The following SLC8A3 variants were observed in gnomAD, a reference collection of about 807,000 sequenced individuals.
SLC8A3 encodes the protein solute carrier family 8 member A3, also known as sodium/calcium exchanger 3.
A neutral mutation model predicts 65.4 loss-of-function variants in SLC8A3; 37 were observed. The observed-to-expected ratio is 0.57, with a 90% confidence interval of 0.44 to 0.74. SLC8A3 has a LOEUF of 0.74. Among genes scored for constraint, SLC8A3 ranks in the 30% least tolerant of loss-of-function variants. SLC8A3 has a pLI of 0.00. For synonymous variants in SLC8A3, 461 were observed against 444.5 expected (o/e 1.04, Z -0.47); for missense variants, 1,112 against 1,172.1 (o/e 0.95, Z 0.75).
chr14:70,130,748 G>A (rs1894772645), intron 2 of SLC8A3, among the ~76,000 whole-genome samples: 1 of 152,236 alleles, frequency 6.6e-6, no homozygotes, highest in Admixed American at 6.5e-5. Flanking sequence ...TTGTAATGCT[G>A]CACAGCAGGC....
intron 4 of SLC8A3, among the ~76,000 whole-genome samples, chr14:70,051,541 C>T (rs528042262): frequency 6.6e-6 from 1 of 152,188 alleles, no homozygotes; most frequent in African/African-American, 2.4e-5. Flanking sequence ...GTATAAGTGA[C>T]CCTCCCATCT....
intron 1 of SLC8A3, among the ~76,000 whole-genome samples, chr14:70,174,686 T>G (rs1897787315): frequency 8.0e-6 from 1 of 125,612 alleles, no homozygotes; most frequent in African/African-American, 2.8e-5. Context: ...TTTTTTTTTT[T>G]TTTTGCCTAT....
chr14:70,065,199 C>A (rs750875831), intron 2 of SLC8A3, among the ~76,000 whole-genome samples: 5 of 152,160 alleles, frequency 3.3e-5, no homozygotes, highest in Non-Finnish European at 5.9e-5. Context: ...TAAATGGGTA[C>A]AACCTCCCTG....
At chr14:70,100,039 AAGCAGCCTTTAATAGTAC>A (rs139947453) in intron 2 of SLC8A3, among the ~76,000 whole-genome samples, 1,527 of 152,340 alleles carry the variant, frequency 0.01, 52 homozygotes, top group Admixed American at 0.07. Context: ...CTTAGAAATC[AAGCAGCCTTTAATAGTAC>A]AAAGCCACTT....
chr14:70,177,616 A>C (rs1897986644), intron 1 of SLC8A3, among the ~76,000 whole-genome samples: 1 of 152,238 alleles, frequency 6.6e-6, no homozygotes, highest in Non-Finnish European at 1.5e-5. Flanking sequence ...CCCATGCTAA[A>C]GGGCATGGAA....
chr14:70,131,533 G>A (rs778473194), intron 2 of SLC8A3, among the ~76,000 whole-genome samples: 2 of 152,208 alleles, frequency 1.3e-5, no homozygotes, highest in African/African-American at 4.8e-5. Flanking sequence ...CAGGTCATAG[G>A]AGAGGTTTTG....
At chr14:70,099,796 C>T (rs1320949017) in intron 2 of SLC8A3, among the ~76,000 whole-genome samples, 1 of 152,190 alleles carries the variant, frequency 6.6e-6, no homozygotes, top group Admixed American at 6.5e-5. Flanking sequence ...TACAATGCTT[C>T]CCATGGGTGC....
chr14:70,060,393 G>GCAT, intron 3 of SLC8A3, among the ~76,000 whole-genome samples: 1 of 152,258 alleles, frequency 6.6e-6, no homozygotes, highest in African/African-American at 2.4e-5. Flanking sequence ...GCACAGGCAT[G>GCAT]CATCGCATCA....
At chr14:70,070,071 G>A (rs760252167) in intron 2 of SLC8A3, among the ~76,000 whole-genome samples, 1 of 152,130 alleles carries the variant, frequency 6.6e-6, no homozygotes, top group Admixed American at 6.5e-5. Flanking sequence ...AAAGTCTAGC[G>A]TTTCAGTCAA....
intron 1 of SLC8A3, among the ~76,000 whole-genome samples, chr14:70,177,631 G>T (rs1261193077): frequency 6.6e-6 from 1 of 152,192 alleles, no homozygotes; most frequent in South Asian, 2.1e-4. Context: ...ATGGAAGCCC[G>T]AACAAGCAGC....
intron 1 of SLC8A3, among the ~76,000 whole-genome samples, chr14:70,184,074 C>T (rs955034296): frequency 6.6e-6 from 1 of 152,172 alleles, no homozygotes; most frequent in Non-Finnish European, 1.5e-5. Context: ...TTTTTACCTA[C>T]AACTGTCTTG....
intron 2 of SLC8A3, among the ~76,000 whole-genome samples, chr14:70,071,916 T>C (rs1201006073): frequency 3.9e-5 from 6 of 152,194 alleles, no homozygotes; most frequent in Non-Finnish European, 7.4e-5. Flanking sequence ...TGTGAGAACG[T>C]GCACAGACTC....
chr14:70,136,695 T>C (rs1895223851), intron 2 of SLC8A3, among the ~76,000 whole-genome samples: 1 of 152,382 alleles, frequency 6.6e-6, no homozygotes, highest in Non-Finnish European at 1.5e-5. Context: ...AGCATCCTGC[T>C]TATTTTTCTC....
At chr14:70,130,944 T>G (rs1201384956) in intron 2 of SLC8A3, among the ~76,000 whole-genome samples, 1 of 152,180 alleles carries the variant, frequency 6.6e-6, no homozygotes, top group Non-Finnish European at 1.5e-5. Flanking sequence ...CAGATTTGAA[T>G]CTTCACAATA....
intron 2 of SLC8A3, among the ~76,000 whole-genome samples, chr14:70,127,107 TATA>T (rs1302530788): frequency 6.7e-6 from 1 of 148,942 alleles, no homozygotes; most frequent in African/African-American, 2.5e-5. Context: ...TCTATTTCCC[TATA>T]ATGGCTCCCA....
intron 2 of SLC8A3, among the ~76,000 whole-genome samples, chr14:70,090,742 A>G (rs1279082369): frequency 1.3e-5 from 2 of 152,222 alleles, no homozygotes; most frequent in Non-Finnish European, 2.9e-5. Flanking sequence ...CAGATCTGCC[A>G]TGAAATGTGA....
chr14:70,133,392 C>G (rs1193112866), intron 2 of SLC8A3, among the ~76,000 whole-genome samples: 1 of 152,174 alleles, frequency 6.6e-6, no homozygotes, highest in Non-Finnish European at 1.5e-5. Context: ...CCACCTCCTC[C>G]TTCACTGTCA....
At chr14:70,134,323 A>AT (rs1256901330) in intron 2 of SLC8A3, among the ~76,000 whole-genome samples, 1 of 152,090 alleles carries the variant, frequency 6.6e-6, no homozygotes, top group Non-Finnish European at 1.5e-5. Flanking sequence ...TTTACTTAGT[A>AT]TTTTTCAGAT....
chr14:70,113,063 A>G (rs1483467433), intron 2 of SLC8A3, among the ~76,000 whole-genome samples: 1 of 152,232 alleles, frequency 6.6e-6, no homozygotes, highest in Non-Finnish European at 1.5e-5. Context: ...AACTAAATAC[A>G]TTGGTCTTTG....
Sources: allele counts gnomAD v4.1 joint callset (sites outside exome capture counted in the v4.1 genomes callset), GRCh38; gene constraint gnomAD v4.1.1; transcripts MANE v1.5; gene names NCBI Gene and HGNC (gene_info 2026-07-23, HGNC 2026-07-21).